FOXN3: variants seen among roughly 807,000 people sequenced by gnomAD.
FOXN3 encodes the protein forkhead box protein N3.
In FOXN3, 7 loss-of-function variants were observed where a neutral mutation model predicts 38.4. The observed-to-expected ratio is 0.18, with a 90% CI of 0.10 to 0.34. The LOEUF (loss-of-function observed/expected upper bound fraction) is 0.34, where lower values mean the gene tolerates loss of function less well. Among genes scored for constraint, FOXN3 ranks in the 10% least tolerant of loss-of-function variants. FOXN3 has a pLI of 1.00. For missense variants in FOXN3, 456 were observed against 613.4 expected (o/e 0.74, Z 2.71); for synonymous variants, 230 against 242.2 (o/e 0.95, Z 0.47).
intron 4 of FOXN3, among the ~76,000 whole-genome samples, chr14:89,261,515 C>T (rs572978348): frequency 2.6e-5 from 4 of 152,128 alleles, no homozygotes; most frequent in South Asian, 4.1e-4. Context: ...GAAGGAGGGC[C>T]GGCGGCAGTG....
rs370382363 is a variant in FOXN3, at chr14:89,287,105, GA to G, written c.681-6092del. Among the ~76,000 whole-genome samples the G allele has an allele frequency of 8.5e-4, 130 of 152,062 alleles. 3 individuals are homozygous for G. The South Asian group carries it at 0.023, about 27-fold the overall frequency. The stretch of plus-strand genomic sequence containing the variant: ...GTGAGAATAAAATGAGATGATGGGG[GA>G]AAAAAATTGCTTTCTAGACTGCAAA... On this transcript the variant is annotated intron_variant, in intron 3 of 5. Coordinates refer to ENST00000557258, the MANE Select transcript of FOXN3 (RefSeq NM_005197.4).
rs140477845 is a variant in FOXN3 at position 89,180,764 on chromosome 14, C to G, written c.788G>C (p.Arg263Pro). 1.4e-5 allele frequency: 23 copies of G among 1,612,438 alleles called. No individual in the cohort carries two copies. Among genetic ancestry groups the G allele is most frequent in the Non-Finnish European group, 1.8e-5 (21 of 1,179,382 alleles). The change falls in exon 5 of 6, where the codon CGA (arginine) becomes CCA (proline). Residue 263 changes from arginine to proline, a missense_variant. Around this residue, in one of 3 missense-constraint regions of FOXN3, gnomAD observed 386 missense variants for 505.2 expected, o/e 0.76. Transcript: ENST00000557258. ...CGGCCGCACGCCAGGAAACAGCCCT[C>G]GGCTCAGGACCCGCGCTCCATTTTG... ...VIQNGARVLSRGLFPGVRPLP... is the reference protein window; with the variant it reads ...VIQNGARVLSPGLFPGVRPLP...
At chr14:89,300,865 C>T (rs1378698523) in intron 3 of FOXN3, among the ~76,000 whole-genome samples, 1 of 152,160 alleles carries the variant, frequency 6.6e-6, no homozygotes, top group Non-Finnish European at 1.5e-5. Flanking sequence ...GGCACAATCT[C>T]GGCTCACTGC....
At chr14:89,532,687 G>C (rs1290539572) in intron 1 of FOXN3, among the ~76,000 whole-genome samples, 1 of 152,166 alleles carries the variant, frequency 6.6e-6, no homozygotes, top group Admixed American at 6.5e-5. Flanking sequence ...ATATTGGCAA[G>C]TTGATTTCAC....
chr14:89,533,671 A>C (rs1894624315), intron 1 of FOXN3, among the ~76,000 whole-genome samples: 1 of 143,082 alleles, frequency 7.0e-6, no homozygotes, highest in Admixed American at 6.8e-5. Flanking sequence ...CAAAAAAAAA[A>C]AAAAAAAAAA....
intron 1 of FOXN3, among the ~76,000 whole-genome samples, chr14:89,573,207 G>C (rs1895531835): frequency 6.6e-6 from 1 of 152,180 alleles, no homozygotes; most frequent in Non-Finnish European, 1.5e-5. Context: ...CGTGGGAAAG[G>C]TGCTGAGCCA....
At chr14:89,347,212 A>T (rs1460811515) in intron 3 of FOXN3, among the ~76,000 whole-genome samples, 1 of 152,230 alleles carries the variant, frequency 6.6e-6, no homozygotes, top group Non-Finnish European at 1.5e-5. Context: ...TTAGTTAAAT[A>T]GGATGAATTA....
rs1886988806 is a variant in FOXN3, at chr14:89,156,700, A to C, written c.*5714T>G. ...TGTTACAGAATCAGAGTATTAAAAA[A>C]TGTACAAGTGTATATGCTTCCCAGA... On this transcript the variant is annotated 3_prime_UTR_variant, in exon 6 of 6. Transcript: ENST00000557258. 6.6e-6 allele frequency: 1 copy of C among 152,128 alleles called. No individual in the cohort carries two copies. The highest frequency in any genetic ancestry group is 1.5e-5 in the Non-Finnish European group (1 of 68,028). The allele number at this position is 152,128 out of a possible 1,614,324, so 9.4% of individuals were successfully genotyped here. A position where few individuals can be genotyped will look rare whatever the true frequency, so the allele number is the denominator to read the frequency against.
intron 3 of FOXN3, among the ~76,000 whole-genome samples, chr14:89,298,437 T>A (rs1210272168): frequency 1.5e-5 from 2 of 135,566 alleles, no homozygotes; most frequent in Admixed American, 1.7e-4. Flanking sequence ...GCCACTGCAC[T>A]CCAGCCTGGG....
Position 89,237,853 on chromosome 14 carries a change from T to C in FOXN3, c.745+43097A>G, listed in dbSNP as rs991646278. 2.6e-5 allele frequency among the ~76,000 whole-genome samples: 4 copies of C among 152,220 alleles called. No homozygotes were observed. In the South Asian group the frequency reaches 6.2e-4, roughly 24 times the overall value. On this transcript the variant is annotated intron_variant, in intron 4 of 5. Coordinates refer to ENST00000557258, the MANE Select transcript of FOXN3 (RefSeq NM_005197.4). ...CTACATTGCATTATATTATATGACA[T>C]CACATCTATCTATCTGTCCACGCTG...
At chr14:89,577,829 C>T (rs1333243641) in intron 1 of FOXN3, among the ~76,000 whole-genome samples, 1 of 152,190 alleles carries the variant, frequency 6.6e-6, no homozygotes, top group Non-Finnish European at 1.5e-5. Flanking sequence ...ATAATTCACA[C>T]GTGCAATCAC....
At chr14:89,466,938 G>T (rs1892983717) in intron 1 of FOXN3, among the ~76,000 whole-genome samples, 1 of 152,238 alleles carries the variant, frequency 6.6e-6, no homozygotes. Flanking sequence ...ATGGAATGGG[G>T]AGGAAAAACA....
intron 1 of FOXN3, among the ~76,000 whole-genome samples, chr14:89,459,654 T>A (rs535371615): frequency 6.6e-6 from 1 of 152,246 alleles, no homozygotes; most frequent in Non-Finnish European, 1.5e-5. Flanking sequence ...GAGAAGAGGC[T>A]GGGGGCAGAT....
At chr14:89,487,928 A>T (rs1320588577) in intron 1 of FOXN3, among the ~76,000 whole-genome samples, 1 of 152,036 alleles carries the variant, frequency 6.6e-6, no homozygotes, top group African/African-American at 2.4e-5. Context: ...AACAACAAAA[A>T]CCAGACAGCA....
At chr14:89,182,758 C>T (rs1481993579) in intron 4 of FOXN3, among the ~76,000 whole-genome samples, 1 of 152,060 alleles carries the variant, frequency 6.6e-6, no homozygotes, top group African/African-American at 2.4e-5. Flanking sequence ...AGGACACTCT[C>T]ATACTGGCGT....
intron 1 of FOXN3, among the ~76,000 whole-genome samples, chr14:89,530,988 TAC>T (rs1894550245): frequency 6.8e-6 from 1 of 147,672 alleles, no homozygotes; most frequent in Admixed American, 6.8e-5. Context: ...CATATATATC[TAC>T]ACATATATAA....
At chr14:89,265,915 G>C (rs7151542) in intron 4 of FOXN3, among the ~76,000 whole-genome samples, 5,759 of 152,282 alleles carry the variant, frequency 0.038, 329 homozygotes, top group African/African-American at 0.13. Context: ...CCCTGGTAGG[G>C]TGGGAATGCC....
At chr14:89,544,394 C>T (rs1284263724) in intron 1 of FOXN3, among the ~76,000 whole-genome samples, 3 of 151,702 alleles carry the variant, frequency 2.0e-5, no homozygotes, top group Non-Finnish European at 4.4e-5. Flanking sequence ...AATGTAATAG[C>T]GTGATCACAG....
intron 4 of FOXN3, among the ~76,000 whole-genome samples, chr14:89,225,127 CAAAA>C (rs35426984): frequency 3.3e-4 from 34 of 102,276 alleles, no homozygotes; most frequent in African/African-American, 1.0e-3. Context: ...GACTCCATCT[CAAAA>C]AAAAAAAAAA....
Sources: allele counts gnomAD v4.1 joint callset (sites outside exome capture counted in the v4.1 genomes callset), GRCh38; gene constraint gnomAD v4.1.1; regional missense constraint gnomAD v4.1.1; transcripts MANE v1.5; gene names NCBI Gene and HGNC (gene_info 2026-07-23, HGNC 2026-07-21).